The following CACNB2 variants were observed in gnomAD, a reference collection of about 807,000 sequenced individuals.
CACNB2 encodes calcium voltage-gated channel auxiliary subunit beta 2.
In CACNB2, 42 loss-of-function variants were observed where a neutral mutation model predicts 73.3. That is an observed-to-expected ratio of 0.57 (90% CI 0.45 to 0.74). CACNB2 has a LOEUF of 0.74. CACNB2 is among the 30% of genes least tolerant of loss of function. The probability of loss-of-function intolerance (pLI) is 0.00; values close to 1 mark genes in which losing one functional copy is unlikely to be tolerated. For missense variants in CACNB2, 940 were observed against 853.0 expected (o/e 1.10, Z -1.27); for synonymous variants, 348 against 310.3 (o/e 1.12, Z -1.28).
intron 2 of CACNB2, among the ~76,000 whole-genome samples, chr10:18,163,338 C>T (rs1184686055): frequency 6.1e-5 from 7 of 115,370 alleles, no homozygotes; most frequent in Admixed American, 4.9e-4. Flanking sequence ...TTTATTATAT[C>T]AAATTGGTAT....
At chr10:18,373,287 C>T (rs963629838) in intron 2 of CACNB2, among the ~76,000 whole-genome samples, 4 of 152,182 alleles carry the variant, frequency 2.6e-5, no homozygotes, top group Admixed American at 6.6e-5. Flanking sequence ...AATCCAGGCA[C>T]TGCTTTCTGC....
At chr10:18,492,370 C>T (rs1380912890) in intron 3 of CACNB2, among the ~76,000 whole-genome samples, 1 of 152,094 alleles carries the variant, frequency 6.6e-6, no homozygotes, top group African/African-American at 2.4e-5. Flanking sequence ...CCTGTAATCC[C>T]AGCACTTCGG....
chr10:18,157,695 TG>T (rs1324611806), intron 2 of CACNB2, among the ~76,000 whole-genome samples: 1 of 152,210 alleles, frequency 6.6e-6, no homozygotes, highest in East Asian at 1.9e-4. Flanking sequence ...TCTAAGTGAT[TG>T]ACTCCAGATT....
At chr10:18,149,004 C>CAAAA (rs373972824) in intron 1 of CACNB2, among the ~76,000 whole-genome samples, 14 of 110,502 alleles carry the variant, frequency 1.3e-4, no homozygotes, top group African/African-American at 3.8e-4. Flanking sequence ...GACACTGTCT[C>CAAAA]AAAAAAAAAA....
chr10:18,312,599 G>C (rs914225411), intron 2 of CACNB2, among the ~76,000 whole-genome samples: 12 of 152,132 alleles, frequency 7.9e-5, no homozygotes, highest in African/African-American at 2.7e-4. Context: ...TGAAGGTGTG[G>C]GGTGGCAGGA....
At chr10:18,141,226 G>GT in intron 1 of CACNB2, 1 of 1,464,558 alleles carries the variant, frequency 6.8e-7, no homozygotes. Flanking sequence ...GTGAGTCCGG[G>GT]TGGGCGGGAG....
chr10:18,406,758 C>T (rs2044308845), intron 3 of CACNB2, among the ~76,000 whole-genome samples: 1 of 152,146 alleles, frequency 6.6e-6, no homozygotes, highest in Non-Finnish European at 1.5e-5. Flanking sequence ...AAAACCATCC[C>T]CAAACCCCAG....
At chr10:18,220,237 A>AGGGGGGGG (rs1564353990) in intron 2 of CACNB2, among the ~76,000 whole-genome samples, 3 of 48,440 alleles carry the variant, frequency 6.2e-5, no homozygotes, top group African/African-American at 3.9e-4. Flanking sequence ...ATATATAGAG[A>AGGGGGGGG]GAGAGAGAGA....
chr10:18,225,099 C>A (rs192899819), intron 2 of CACNB2, among the ~76,000 whole-genome samples: 1 of 152,102 alleles, frequency 6.6e-6, no homozygotes, highest in Non-Finnish European at 1.5e-5. Flanking sequence ...TTTTATGTGA[C>A]CTGCTGTTTC....
At chr10:18,533,634 C>G (rs1050475315) in intron 10 of CACNB2, among the ~76,000 whole-genome samples, 1 of 152,108 alleles carries the variant, frequency 6.6e-6, no homozygotes, top group African/African-American at 2.4e-5. Flanking sequence ...AACATCTAGA[C>G]GGCATACAGG....
At chr10:18,147,550 C>G (rs1200514789) in intron 1 of CACNB2, among the ~76,000 whole-genome samples, 3 of 152,058 alleles carry the variant, frequency 2.0e-5, no homozygotes, top group African/African-American at 7.3e-5. Flanking sequence ...AGCCAAATCC[C>G]CTTTCCTGTC....
At chr10:18,189,146 A>C (rs555136308) in intron 2 of CACNB2, among the ~76,000 whole-genome samples, 1 of 151,546 alleles carries the variant, frequency 6.6e-6, no homozygotes, top group African/African-American at 2.4e-5. Context: ...TTGTTTTTTT[A>C]AAAAAAAATT....
chr10:18,349,744 C>G (rs1395247020), intron 2 of CACNB2, among the ~76,000 whole-genome samples: 1 of 151,788 alleles, frequency 6.6e-6, no homozygotes, highest in South Asian at 2.1e-4. Flanking sequence ...AAAAAAGATC[C>G]TGGAGACAGA....
chr10:18,260,212 T>C (rs1448185448), intron 2 of CACNB2, among the ~76,000 whole-genome samples: 2 of 152,162 alleles, frequency 1.3e-5, no homozygotes, highest in Non-Finnish European at 2.9e-5. Flanking sequence ...GGGAGAATAT[T>C]AGGATCAGCT....
intron 2 of CACNB2, among the ~76,000 whole-genome samples, chr10:18,389,796 T>C (rs1364080513): frequency 6.6e-6 from 1 of 152,206 alleles, no homozygotes; most frequent in Non-Finnish European, 1.5e-5. Context: ...ACATTGTGAA[T>C]TGGGACTTTG....
chr10:18,343,558 TTA>T (rs1025649571), intron 2 of CACNB2, among the ~76,000 whole-genome samples: 1 of 152,188 alleles, frequency 6.6e-6, no homozygotes, highest in Non-Finnish European at 1.5e-5. Flanking sequence ...TAGAATATAA[TTA>T]TATGGATGGC....
intron 2 of CACNB2, among the ~76,000 whole-genome samples, chr10:18,341,734 C>A (rs1161472969): frequency 6.6e-6 from 1 of 152,056 alleles, no homozygotes; most frequent in Non-Finnish European, 1.5e-5. Flanking sequence ...TTAAGTACTT[C>A]TTTTGTTTCT....
intron 2 of CACNB2, among the ~76,000 whole-genome samples, chr10:18,327,355 C>T (rs192649751): frequency 6.6e-6 from 1 of 152,104 alleles, no homozygotes; most frequent in Admixed American, 6.5e-5. Flanking sequence ...ATCAGATATA[C>T]CTAAATGCTC....
At position 18,532,549 on chromosome 10, in the gene CACNB2, C is replaced by T. The variant is rs573888463; in HGVS notation, c.1055-1527C>T. Among the ~76,000 whole-genome samples the T allele has an allele frequency of 3.1e-3, 477 of 151,754 alleles. 4 individuals carry two copies. Among genetic ancestry groups the T allele is most frequent in the African/African-American group, 0.01 (417 of 41,366 alleles). On this transcript the variant is annotated intron_variant, in intron 10 of 13. Transcript: ENST00000324631. ...ATTAGCTGGGCCTGGTGGCACATGC[C>T]GGTAATTCCAGCTATGTGGGAGGCT...
Sources: gnomAD v4.1 joint callset for allele counts (sites outside exome capture counted in the v4.1 genomes callset) on GRCh38, gnomAD v4.1.1 for gene constraint, MANE v1.5 for transcripts, NCBI Gene and HGNC (gene_info 2026-07-23, HGNC 2026-07-21) for gene names.